The following GRID2 variants were observed in gnomAD, a reference collection of about 807,000 sequenced individuals.
GRID2 encodes the protein glutamate ionotropic receptor delta type subunit 2.
GRID2 carries 33 observed loss-of-function variants against 114.8 expected under a neutral mutation model. The observed-to-expected ratio is 0.29, with a 90% CI of 0.22 to 0.38. The LOEUF (loss-of-function observed/expected upper bound fraction) is 0.38, where lower values mean the gene tolerates loss of function less well. Ranked by LOEUF, GRID2 falls within the 10% of genes least tolerant of loss-of-function variation. The pLI, the probability that GRID2 is intolerant of heterozygous loss-of-function variation, is 1.00. For synonymous variants in GRID2, 505 were observed against 449.9 expected (o/e 1.12, Z -1.55); for missense variants, 1,184 against 1,257.7 (o/e 0.94, Z 0.89).
chr4:93,755,011 AAGTAAAC>A (rs1732622071), intron 14 of GRID2, among the ~76,000 whole-genome samples: 1 of 152,202 alleles, frequency 6.6e-6, no homozygotes, highest in Admixed American at 6.5e-5. Flanking sequence ...ATCATCAAGT[AAGTAAAC>A]GTTGTGCATG....
In GRID2 at chr4:93,356,181, A is replaced by G. The variant is rs543139423; in HGVS notation, c.1246-39426A>G. On this transcript the variant is annotated intron_variant, in intron 8 of 15. Transcript: ENST00000282020. ...TCACCACATTTGTTGAGCACCTCCAATGGGTAAGACACTGTGCTACTTCTT... is the reference window on the plus strand; with the variant it reads ...TCACCACATTTGTTGAGCACCTCCAGTGGGTAAGACACTGTGCTACTTCTT... Among the ~76,000 whole-genome samples, 139 of 152,190 alleles carry G rather than the reference A, an allele frequency of 9.1e-4. 1 individual carries two copies. Among genetic ancestry groups the G allele is most frequent in the African/African-American group, 3.2e-3 (135 of 41,558 alleles).
At chr4:92,749,987 G>A (rs545054043) in intron 2 of GRID2, among the ~76,000 whole-genome samples, 8 of 152,056 alleles carry the variant, frequency 5.3e-5, no homozygotes, top group Non-Finnish European at 1.2e-4. Flanking sequence ...TCAGCCTCCC[G>A]AGTAGCTGGG....
intron 13 of GRID2, among the ~76,000 whole-genome samples, chr4:93,602,330 A>G (rs1298772015): frequency 6.6e-6 from 1 of 152,188 alleles, no homozygotes; most frequent in African/African-American, 2.4e-5. Flanking sequence ...TGTCTGCCCT[A>G]AAGCTGCTTT....
chr4:93,454,577 C>T (rs754134184), intron 10 of GRID2, among the ~76,000 whole-genome samples: 3 of 152,008 alleles, frequency 2.0e-5, no homozygotes, highest in Non-Finnish European at 4.4e-5. Context: ...CATACAAACA[C>T]GTACCCACAC....
chr4:93,105,150 C>A (rs1009663703), intron 3 of GRID2, among the ~76,000 whole-genome samples: 1 of 152,124 alleles, frequency 6.6e-6, no homozygotes, highest in Non-Finnish European at 1.5e-5. Context: ...TTTTTGATGG[C>A]GTTGTTTGTT....
intron 2 of GRID2, among the ~76,000 whole-genome samples, chr4:93,049,488 A>C (rs1297257768): frequency 6.6e-6 from 1 of 151,920 alleles, no homozygotes; most frequent in Non-Finnish European, 1.5e-5. Context: ...GTTTAAACTT[A>C]ACAAATGTGA....
At chr4:92,914,798 A>AT (rs1748657713) in intron 2 of GRID2, among the ~76,000 whole-genome samples, 1 of 152,038 alleles carries the variant, frequency 6.6e-6, no homozygotes, top group Non-Finnish European at 1.5e-5. Flanking sequence ...TCTGAACTAC[A>AT]TTTTTTTAAA....
chr4:92,967,568 T>G (rs1753235467), intron 2 of GRID2, among the ~76,000 whole-genome samples: 1 of 151,876 alleles, frequency 6.6e-6, no homozygotes, highest in African/African-American at 2.4e-5. Context: ...AAGCAAGCTC[T>G]TTATTGTATT....
At chr4:92,816,254 G>A (rs1406798845) in intron 2 of GRID2, among the ~76,000 whole-genome samples, 1 of 147,150 alleles carries the variant, frequency 6.8e-6, no homozygotes, top group Non-Finnish European at 1.5e-5. Flanking sequence ...GGCGGAGTAT[G>A]TGGTGAGCTG....
chr4:93,252,034 T>G (rs2149532745), intron 8 of GRID2, among the ~76,000 whole-genome samples: 1 of 152,220 alleles, frequency 6.6e-6, no homozygotes, highest in African/African-American at 2.4e-5. Context: ...ATTTCAGTCT[T>G]TAGGACTTTC....
chr4:92,973,621 C>T (rs1753661038), intron 2 of GRID2, among the ~76,000 whole-genome samples: 2 of 151,988 alleles, frequency 1.3e-5, no homozygotes, highest in South Asian at 4.1e-4. Context: ...GCACCAGAAC[C>T]TGAAAACTAA....
chr4:92,360,583 G>A (rs1371784843), intron 1 of GRID2, among the ~76,000 whole-genome samples: 3 of 151,992 alleles, frequency 2.0e-5, no homozygotes, highest in Non-Finnish European at 4.4e-5. Context: ...TGAGAGACAA[G>A]TGAAAGTAGA....
At chr4:93,045,033 C>G (rs998798887) in intron 2 of GRID2, among the ~76,000 whole-genome samples, 1 of 152,060 alleles carries the variant, frequency 6.6e-6, no homozygotes, top group Non-Finnish European at 1.5e-5. Flanking sequence ...GCATCTAGCT[C>G]CCTGTGTTAT....
chr4:92,676,821 C>G (rs1733398479), intron 2 of GRID2, among the ~76,000 whole-genome samples: 2 of 152,114 alleles, frequency 1.3e-5, no homozygotes, highest in African/African-American at 4.8e-5. Context: ...TGCTTATACA[C>G]CTGTGTTCAG....
rs1730217407 is a variant in GRID2, at chr4:93,085,139, G to T, written c.389G>T (p.Gly130Val). ...TCAACAGCTGGGACCCCAAGGAGTGGCTGTGGACTCACCCGGAGCAACAGG... is the reference window on the plus strand; with the variant it reads ...TCAACAGCTGGGACCCCAAGGAGTGTCTGTGGACTCACCCGGAGCAACAGG... ...QRSTAGTPRSGCGLTRSNRND... is the reference protein window; with the variant it reads ...QRSTAGTPRSVCGLTRSNRND... The change falls in exon 3 of 16, where the codon GGC (glycine) becomes GTC (valine). Residue 130 changes from glycine to valine, a missense_variant. Physicochemically the swap from Gly to Val is moderately radical, Grantham distance 109 (BLOSUM62 -3). Transcript: ENST00000282020. 1 of 1,613,990 alleles carries T rather than the reference G, an allele frequency of 6.2e-7. No individual in the cohort carries two copies. Among genetic ancestry groups the T allele is most frequent in the Non-Finnish European group, 8.5e-7 (1 of 1,180,020 alleles).
intron 10 of GRID2, among the ~76,000 whole-genome samples, chr4:93,443,067 G>A (rs868506873): frequency 1.3e-5 from 2 of 151,980 alleles, no homozygotes; most frequent in Admixed American, 6.6e-5. Flanking sequence ...CTCACCACTC[G>A]AAAGCCACTA....
chr4:93,424,446 GA>G (rs1158546770), intron 10 of GRID2, among the ~76,000 whole-genome samples: 2 of 151,922 alleles, frequency 1.3e-5, no homozygotes, highest in African/African-American at 4.8e-5. Context: ...ATTCTTACTG[GA>G]TATCAAACTC....
intron 2 of GRID2, among the ~76,000 whole-genome samples, chr4:92,881,910 TTAGA>T (rs1386892246): frequency 6.6e-6 from 1 of 152,178 alleles, no homozygotes; most frequent in Non-Finnish European, 1.5e-5. Context: ...AAAAATAAAA[TTAGA>T]TAAGTGATTT....
intron 8 of GRID2, among the ~76,000 whole-genome samples, chr4:93,362,743 G>A (rs970995461): frequency 1.3e-5 from 2 of 151,974 alleles, no homozygotes; most frequent in Non-Finnish European, 2.9e-5. Flanking sequence ...AGTCTTCGTT[G>A]TAAACACATG....
Sources: allele counts gnomAD v4.1 joint callset (sites outside exome capture counted in the v4.1 genomes callset), GRCh38; gene constraint gnomAD v4.1.1; transcripts MANE v1.5; gene names NCBI Gene and HGNC (gene_info 2026-07-23, HGNC 2026-07-21).